Variants in IMMP2L observed in about 807,000 individuals in gnomAD.
IMMP2L encodes inner mitochondrial membrane peptidase subunit 2, also known as mitochondrial inner membrane protease subunit 2.
IMMP2L carries 18 observed loss-of-function variants against 19.3 expected under a neutral mutation model. That is an observed-to-expected ratio of 0.93 (90% CI 0.64 to 1.38). The LOEUF is 1.38. Ranked by LOEUF, IMMP2L falls within the 40% of genes most tolerant of loss-of-function variation. IMMP2L has a pLI of 0.00. For synonymous variants in IMMP2L, 76 were observed against 73.0 expected (o/e 1.04, Z -0.21); for missense variants, 233 against 218.2 (o/e 1.07, Z -0.43).
rs942131295 is a variant in IMMP2L at position 111,316,851 on chromosome 7, T to C, written c.239+170387A>G. Among the ~76,000 whole-genome samples the C allele has an allele frequency of 9.7e-4, 132 of 135,510 alleles. 3 individuals are homozygous for C. Among genetic ancestry groups the C allele is most frequent in the Non-Finnish European group, 3.5e-4 (22 of 62,736 alleles). 88.9% of individuals were successfully genotyped at this position (135,510 alleles called of 152,430 possible). A position where few individuals can be genotyped will look rare whatever the true frequency, so the allele number is the denominator to read the frequency against. ...GTTGGCTCCTTTTTTTTTTCTTTTT[T>C]TTTTTTTTTTTTTTTTTGAGATGGA... is the stretch of plus-strand genomic sequence containing the variant. On this transcript the variant is annotated intron_variant, in intron 3 of 5. Coordinates refer to ENST00000405709, the MANE Select transcript of IMMP2L (RefSeq NM_032549.4).
intron 5 of IMMP2L, among the ~76,000 whole-genome samples, chr7:110,735,681 TAC>T (rs3051068): frequency 0.21 from 23,639 of 114,236 alleles, 2,507 homozygotes; most frequent in East Asian, 0.45. Context: ...AGTAGACAAA[TAC>T]ACACACACAC....
At chr7:110,973,599 CT>C (rs1039638908) in intron 3 of IMMP2L, among the ~76,000 whole-genome samples, 5 of 152,074 alleles carry the variant, frequency 3.3e-5, no homozygotes, top group Admixed American at 2.6e-4. Flanking sequence ...CCTATAGCCA[CT>C]TTTTTTCTAG....
intron 3 of IMMP2L, among the ~76,000 whole-genome samples, chr7:111,234,350 T>C (rs1010709252): frequency 1.4e-4 from 21 of 152,106 alleles, no homozygotes; most frequent in African/African-American, 5.1e-4. Flanking sequence ...TATGTCTGTA[T>C]CTATTTCTGT....
At chr7:110,954,958 G>A (rs932968663) in intron 4 of IMMP2L, among the ~76,000 whole-genome samples, 1 of 151,962 alleles carries the variant, frequency 6.6e-6, no homozygotes, top group Non-Finnish European at 1.5e-5. Flanking sequence ...ACATGAAAGC[G>A]TATGCCCTAT....
At chr7:111,215,183 A>C (rs186878322) in intron 3 of IMMP2L, among the ~76,000 whole-genome samples, 22 of 152,272 alleles carry the variant, frequency 1.4e-4, no homozygotes, top group Admixed American at 1.2e-3. Flanking sequence ...AAAAACAAAA[A>C]TAGAAGTACT....
intron 4 of IMMP2L, among the ~76,000 whole-genome samples, chr7:110,939,173 T>A (rs1470553316): frequency 2.6e-5 from 4 of 152,128 alleles, no homozygotes; most frequent in Non-Finnish European, 5.9e-5. Flanking sequence ...TCCTAGGGCA[T>A]CACCCCTGGG....
intron 3 of IMMP2L, among the ~76,000 whole-genome samples, chr7:111,189,650 C>T (rs1808656031): frequency 6.6e-6 from 1 of 151,850 alleles, no homozygotes; most frequent in African/African-American, 2.4e-5. Context: ...AGAACTAGGG[C>T]AAAGATAAGG....
intron 5 of IMMP2L, among the ~76,000 whole-genome samples, chr7:110,824,653 C>T (rs1803305045): frequency 6.6e-6 from 1 of 152,096 alleles, no homozygotes; most frequent in African/African-American, 2.4e-5. Flanking sequence ...CAGGGATGAA[C>T]CACCGCTCCC....
At chr7:110,854,576 C>T (rs1219303516) in intron 5 of IMMP2L, among the ~76,000 whole-genome samples, 1 of 151,884 alleles carries the variant, frequency 6.6e-6, no homozygotes, top group East Asian at 1.9e-4. Flanking sequence ...CCTCAAATCC[C>T]ATGAAAATAG....
Position 111,521,362 on chromosome 7 carries a change from A to G in IMMP2L, c.86T>C (p.Phe29Ser), listed in dbSNP as rs1389099975. 7 of 1,613,396 alleles carry G rather than the reference A, an allele frequency of 4.3e-6. No homozygotes were observed. Among genetic ancestry groups the G allele is most frequent in the Middle Eastern group, 1.7e-4 (1 of 6,054 alleles). The change falls in exon 2 of 6, where the codon TTC becomes TCC. Residue 29 changes from phenylalanine to serine, a missense_variant. Phe to Ser is a radical substitution (Grantham distance 155, BLOSUM62 -2). Transcript: ENST00000405709. The part of the protein sequence containing the change: ...FFVAVPVAVT[F>S]LDRVACVARV... ...TGCCACACAGGCGACCCGATCCAAG[A>G]AAGTCACTGCCACAGGCACCGCCAC...
rs115863169 is a variant in IMMP2L at position 110,985,747 on chromosome 7, T to C, written c.240-22182A>G. Among the ~76,000 whole-genome samples the C allele has an allele frequency of 1.9e-3, 296 of 152,206 alleles. 2 individuals carry two copies. The highest frequency in any genetic ancestry group is 6.7e-3 in the African/African-American group (278 of 41,534). ...GAGTTAGAGCATCAAAATCAGAAAG[T>C]ACTTTTTCTCAAAGCCGACAAAGTT... is the stretch of plus-strand genomic sequence containing the variant. On this transcript the variant is annotated intron_variant, in intron 3 of 5. Coordinates refer to ENST00000405709, the MANE Select transcript of IMMP2L (RefSeq NM_032549.4).
intron 5 of IMMP2L, among the ~76,000 whole-genome samples, chr7:110,844,354 A>C (rs959928441): frequency 1.8e-4 from 27 of 152,096 alleles, no homozygotes; most frequent in African/African-American, 6.3e-4. Flanking sequence ...AAAAGAGATA[A>C]ACATGGAACT....
At chr7:110,839,629 T>C (rs1584988683) in intron 5 of IMMP2L, among the ~76,000 whole-genome samples, 1 of 152,126 alleles carries the variant, frequency 6.6e-6, no homozygotes, top group East Asian at 1.9e-4. Context: ...CGTGTGCACA[T>C]ATATTTTAAT....
chr7:111,375,247 A>G (rs1830583731), intron 3 of IMMP2L, among the ~76,000 whole-genome samples: 1 of 152,100 alleles, frequency 6.6e-6, no homozygotes, highest in African/African-American at 2.4e-5. Context: ...AACTACCAGG[A>G]AACAGATGAA....
At chr7:111,446,744 C>T (rs963768928) in intron 3 of IMMP2L, among the ~76,000 whole-genome samples, 5 of 152,110 alleles carry the variant, frequency 3.3e-5, no homozygotes, top group East Asian at 1.9e-4. Flanking sequence ...ACGCTTCAGA[C>T]GATCAAATTA....
intron 3 of IMMP2L, among the ~76,000 whole-genome samples, chr7:111,253,323 G>A (rs989744273): frequency 6.6e-6 from 1 of 152,152 alleles, no homozygotes; most frequent in African/African-American, 2.4e-5. Flanking sequence ...GTGTACAGCA[G>A]AGCAAAAGAC....
chr7:110,773,506 T>G (rs1230028718), intron 5 of IMMP2L, among the ~76,000 whole-genome samples: 3 of 152,160 alleles, frequency 2.0e-5, no homozygotes, highest in Admixed American at 6.6e-5. Context: ...ACGTATCAGG[T>G]GCAGGGACAG....
intron 5 of IMMP2L, among the ~76,000 whole-genome samples, chr7:110,841,125 C>T (rs950810762): frequency 6.6e-6 from 1 of 151,938 alleles, no homozygotes; most frequent in African/African-American, 2.4e-5. Flanking sequence ...ACTGGTATAT[C>T]AGATGAATTA....
chr7:110,818,953 A>T lies in IMMP2L; in HGVS notation c.408+67640T>A, dbSNP rs1230346497. Among the ~76,000 whole-genome samples the T allele has an allele frequency of 8.6e-5, 9 of 104,784 alleles. No individual in the cohort carries two copies. In the Admixed American group the frequency reaches 1.3e-3, roughly 15 times the overall value. 68.7% of individuals were successfully genotyped at this position (104,784 alleles called of 152,430 possible). ...GGAAGGGGAACATCACACTCTGGGG[A>T]CTGTTGTTGGGTGGGGGGCGGGGGG... On this transcript the variant is annotated intron_variant, in intron 5 of 5. Coordinates refer to ENST00000405709, the MANE Select transcript of IMMP2L (RefSeq NM_032549.4).
Sources: allele counts gnomAD v4.1 joint callset (sites outside exome capture counted in the v4.1 genomes callset), GRCh38; gene constraint gnomAD v4.1.1; transcripts MANE v1.5; gene names NCBI Gene and HGNC (gene_info 2026-07-23, HGNC 2026-07-21).